MED13: variants seen among roughly 807,000 people sequenced by gnomAD.
MED13 encodes the protein mediator complex subunit 13, also known as mediator of RNA polymerase II transcription subunit 13.
MED13 carries 23 observed loss-of-function variants against 225.2 expected under a neutral mutation model. The observed-to-expected ratio is 0.10, with a 90% CI of 0.07 to 0.14. MED13 has a LOEUF of 0.14. MED13 is among the 10% of genes least tolerant of loss of function. MED13 has a pLI of 1.00. For missense variants in MED13, 2,197 were observed against 2,594.5 expected (o/e 0.85, Z 3.33); for synonymous variants, 942 against 889.2 (o/e 1.06, Z -1.06).
intron 11 of MED13, among the ~76,000 whole-genome samples, chr17:61,989,014 C>CTTT (rs544084944): frequency 1.4e-5 from 2 of 141,666 alleles, no homozygotes; most frequent in African/African-American, 2.6e-5. Flanking sequence ...ATGAATCCAG[C>CTTT]TTTTTTTTTT....
At chr17:61,991,071 A>G (rs927835851) in intron 11 of MED13, among the ~76,000 whole-genome samples, 3 of 152,168 alleles carry the variant, frequency 2.0e-5, no homozygotes, top group African/African-American at 4.8e-5. Context: ...ATTCTATGTC[A>G]CAACACAATC....
At chr17:62,017,040 A>G (rs927627871) in intron 8 of MED13, among the ~76,000 whole-genome samples, 5 of 150,610 alleles carry the variant, frequency 3.3e-5, no homozygotes, top group Admixed American at 2.6e-4. Flanking sequence ...TAATAAATAA[A>G]TAAATAAATA....
intron 3 of MED13, among the ~76,000 whole-genome samples, chr17:62,042,216 G>A (rs553962052): frequency 2.0e-5 from 3 of 152,228 alleles, no homozygotes; most frequent in African/African-American, 7.2e-5. Flanking sequence ...TGTGAATCCT[G>A]TACATATTTC....
chr17:61,979,656 A>G (rs1480438036), intron 16 of MED13, among the ~76,000 whole-genome samples: 1 of 152,154 alleles, frequency 6.6e-6, no homozygotes, highest in African/African-American at 2.4e-5. Context: ...CTTTAATAAA[A>G]TAATAATAAA....
intron 27 of MED13, among the ~76,000 whole-genome samples, 157 bp downstream of exon 27, chr17:61,952,808 T>A (rs186928692): frequency 6.6e-6 from 1 of 152,206 alleles, no homozygotes; most frequent in Non-Finnish European, 1.5e-5. Context: ...GGCTATTTTT[T>A]ACATTTTTAG....
At chr17:61,956,301 A>G in intron 24 of MED13, 38 bp downstream of exon 24, 1 of 1,580,276 alleles carries the variant, frequency 6.3e-7, no homozygotes, top group Non-Finnish European at 8.6e-7. Flanking sequence ...AATTTACATA[A>G]AACGGAAATA....
intron 9 of MED13, 53 bp from the exon 10 acceptor site, chr17:61,995,418 C>G: frequency 7.6e-7 from 1 of 1,324,452 alleles, no homozygotes; most frequent in Non-Finnish European, 1.0e-6. Flanking sequence ...TTAAAAATTT[C>G]CAAAATGACG....
chr17:62,043,526 T>G (rs921136188), intron 3 of MED13, among the ~76,000 whole-genome samples: 1 of 152,166 alleles, frequency 6.6e-6, no homozygotes, highest in Non-Finnish European at 1.5e-5. Flanking sequence ...TAAAGCATAC[T>G]CACAATTTAG....
chr17:61,964,873 T>C (rs2143367250), intron 20 of MED13, 133 bp downstream of exon 20: 2 of 790,074 alleles, frequency 2.5e-6, no homozygotes, highest in East Asian at 5.4e-5. Flanking sequence ...GAGGCAGAGG[T>C]TGCAGTGAGT....
chr17:62,063,674 T>G (rs1003188621), intron 1 of MED13, among the ~76,000 whole-genome samples: 1 of 152,220 alleles, frequency 6.6e-6, no homozygotes, highest in African/African-American at 2.4e-5. Flanking sequence ...AATCAATTAT[T>G]AAAGACCCTA....
At chr17:61,996,850 T>C (rs2080351090) in intron 9 of MED13, among the ~76,000 whole-genome samples, 1 of 152,228 alleles carries the variant, frequency 6.6e-6, no homozygotes, top group Admixed American at 6.5e-5. Flanking sequence ...GGGTCTAACC[T>C]TTGTTCACTA....
intron 6 of MED13, chr17:62,030,406 GA>G: frequency 6.4e-6 from 1 of 157,278 alleles, no homozygotes; most frequent in African/African-American, 2.4e-5. Flanking sequence ...GGGGAGACTG[GA>G]AGGACTTCGG....
Position 61,982,545 on chromosome 17 carries a change from G to A in MED13, c.3458C>T (p.Thr1153Ile). 6.2e-7 allele frequency: 1 copy of A among 1,614,178 alleles called. No homozygotes were observed. The highest frequency in any genetic ancestry group is 8.5e-7 in the Non-Finnish European group (1 of 1,180,034). Residue 1153 changes from threonine (T) to isoleucine (I), a missense_variant, in exon 16 of 30, where the codon ACA (threonine) becomes ATA (isoleucine). Coordinates refer to ENST00000397786, the MANE Select transcript of MED13 (RefSeq NM_005121.3). ...EDELDIIGRN[T>I]DCGKEAEKRF... ...TTTTTCTGCTTCTTTGCCACAGTCT[G>A]TATTGCGTCCTATGATATCTAGTTC...
chr17:62,033,714 G>T, intron 5 of MED13, 73 bp downstream of exon 5: 1 of 1,420,052 alleles, frequency 7.0e-7, no homozygotes, highest in Non-Finnish European at 9.7e-7. Flanking sequence ...AGACTTGTTT[G>T]TTATTCAGCA....
At chr17:62,052,842 G>A (rs533183694) in intron 2 of MED13, 137 bp from the exon 3 acceptor site, 5 of 506,228 alleles carry the variant, frequency 9.9e-6, no homozygotes, top group African/African-American at 9.8e-5. Context: ...TCACTTCAAT[G>A]TATCTCTAGA....
intron 11 of MED13, among the ~76,000 whole-genome samples, chr17:61,990,359 G>A (rs903236294): frequency 1.3e-5 from 2 of 151,778 alleles, no homozygotes; most frequent in African/African-American, 4.8e-5. Context: ...AATTCCAAGT[G>A]TTTGCTCACT....
chr17:61,947,682 G>T (rs1462287663), intron 28 of MED13, among the ~76,000 whole-genome samples: 1 of 152,188 alleles, frequency 6.6e-6, no homozygotes, highest in Non-Finnish European at 1.5e-5. Context: ...GTAATACAGT[G>T]CACAGATGCC....
intron 2 of MED13, among the ~76,000 whole-genome samples, chr17:62,059,859 G>C (rs764879113): frequency 3.9e-5 from 6 of 152,104 alleles, no homozygotes; most frequent in Non-Finnish European, 8.8e-5. Flanking sequence ...TTTAAGAAAA[G>C]CTAAAATATT....
intron 9 of MED13, among the ~76,000 whole-genome samples, chr17:61,997,845 A>C (rs1057263377): frequency 6.6e-6 from 1 of 152,164 alleles, no homozygotes; most frequent in Non-Finnish European, 1.5e-5. Flanking sequence ...CACTGTTTAC[A>C]TAAGTAGTTG....
Sources: gnomAD v4.1 joint callset for allele counts (sites outside exome capture counted in the v4.1 genomes callset) on GRCh38, gnomAD v4.1.1 for gene constraint, MANE v1.5 for transcripts, NCBI Gene and HGNC (gene_info 2026-07-23, HGNC 2026-07-21) for gene names.